The following NACC1 variants were observed in gnomAD, a reference collection of about 807,000 sequenced individuals.
NACC1 encodes the protein nucleus accumbens associated 1, also known as nucleus accumbens-associated protein 1.
Under a neutral mutation model 41.7 loss-of-function variants are expected in NACC1, and 6 were observed. The observed-to-expected ratio is 0.14, with a 90% CI of 0.08 to 0.28. NACC1 has a LOEUF of 0.28. NACC1 is among the 10% of genes least tolerant of loss of function. The pLI, the probability that NACC1 is intolerant of heterozygous loss-of-function variation, is 1.00. For synonymous variants in NACC1, 338 were observed against 330.6 expected (o/e 1.02, Z -0.24); for missense variants, 434 against 763.7 (o/e 0.57, Z 5.09).
chr19:13,128,886 TC>T (rs1469419519), intron 1 of NACC1, among the ~76,000 whole-genome samples: 3 of 152,328 alleles, frequency 2.0e-5, no homozygotes, highest in African/African-American at 7.2e-5. Context: ...CTAGGCACTG[TC>T]CTGGCCAGGA....
At chr19:13,133,030 T>C (rs1047367225) in intron 1 of NACC1, among the ~76,000 whole-genome samples, 1 of 152,172 alleles carries the variant, frequency 6.6e-6, no homozygotes, top group African/African-American at 2.4e-5. Flanking sequence ...GAGTGGCCAC[T>C]GTATTCTCAG....
chr19:13,123,312 G>C (rs899099662), intron 1 of NACC1, among the ~76,000 whole-genome samples: 2 of 152,192 alleles, frequency 1.3e-5, no homozygotes, highest in Non-Finnish European at 2.9e-5. Flanking sequence ...CTTATGGTTG[G>C]AGTTGGTGGG....
chr19:13,134,899 A>C (rs373173597), intron 1 of NACC1, among the ~76,000 whole-genome samples: 1 of 152,094 alleles, frequency 6.6e-6, no homozygotes, highest in East Asian at 1.9e-4. Context: ...ATATTCAGTT[A>C]CTCTTCAAGT....
chr19:13,130,815 C>T (rs1323923148), intron 1 of NACC1, among the ~76,000 whole-genome samples: 1 of 152,136 alleles, frequency 6.6e-6, no homozygotes, highest in Admixed American at 6.5e-5. Flanking sequence ...GGATTACAGG[C>T]GTGAGCCACC....
intron 1 of NACC1, chr19:13,131,650 C>T (rs1018434534): frequency 2.0e-5 from 3 of 152,184 alleles, no homozygotes; most frequent in African/African-American, 7.2e-5. Flanking sequence ...TCTGATTGCC[C>T]TAAGGAGGTT....
At chr19:13,132,210 G>A (rs888807236) in intron 1 of NACC1, 1 of 151,600 alleles carries the variant, frequency 6.6e-6, no homozygotes, top group Non-Finnish European at 1.5e-5. Context: ...GAGGTCAGTA[G>A]TTCAAGACCA....
intron 1 of NACC1, among the ~76,000 whole-genome samples, chr19:13,125,830 C>T (rs1599986331): frequency 6.6e-6 from 1 of 152,202 alleles, no homozygotes; most frequent in African/African-American, 2.4e-5. Flanking sequence ...ACTTCCACCT[C>T]CTAGGTTCAA....
Position 13,139,822 on chromosome 19 carries a change from G to GT in NACC1, c.*1424dup, listed in dbSNP as rs71168663. On this transcript the variant is annotated 3_prime_UTR_variant, in exon 6 of 6. Transcript: ENST00000292431. ...TGTTTTAGATTTTCATGTGAAGGCA[G>GT]TTTTTTTTCTTTTTTAACTCCCCAT... The GT allele has an allele frequency of 0.18, 27,947 of 151,900 alleles. 2,813 individuals carry two copies. The highest frequency in any genetic ancestry group is 0.19 in the Non-Finnish European group (12,756 of 67,936). 9.4% of individuals were successfully genotyped at this position (151,900 alleles called of 1,614,324 possible). A position where few individuals can be genotyped will look rare whatever the true frequency, so the allele number is the denominator to read the frequency against.
intron 1 of NACC1, among the ~76,000 whole-genome samples, chr19:13,127,693 GAAAA>G (rs71168659): frequency 2.0e-5 from 3 of 146,702 alleles, no homozygotes; most frequent in Non-Finnish European, 4.5e-5. Context: ...AAAAAAAAAA[GAAAA>G]AAAAAAATTA....
At position 13,131,117 on chromosome 19, in the gene NACC1, A is replaced by G. The variant is rs2019629431; in HGVS notation, c.-8-4083A>G. On this transcript the variant is annotated intron_variant, in intron 1 of 5. Coordinates refer to ENST00000292431, the MANE Select transcript of NACC1 (RefSeq NM_052876.4). ...ACATACCCACCCCAACTGTAATTAA[A>G]TCATCCCCGGTGTCTCCTCACTAGA... Among the ~76,000 whole-genome samples, 2 of 152,060 alleles carry G rather than the reference A, an allele frequency of 1.3e-5. 1 individual carries two copies. The highest frequency in any genetic ancestry group is 2.9e-5 in the Non-Finnish European group (2 of 68,012).
In NACC1 at chr19:13,138,098, G is replaced by T; in HGVS notation, c.1325-49G>T. The T allele has an allele frequency of 1.3e-6, 2 of 1,598,286 alleles. No individual in the cohort carries two copies. Among genetic ancestry groups the T allele is most frequent in the Non-Finnish European group, 1.7e-6 (2 of 1,170,192 alleles). ...AGGGGAGCTGGTGAGTAGGCCTTGTGGGAGTCACCTGGCCCCCGTGCCAAG... is the reference window on the plus strand; with the variant it reads ...AGGGGAGCTGGTGAGTAGGCCTTGTTGGAGTCACCTGGCCCCCGTGCCAAG... On this transcript the variant is annotated intron_variant, in intron 5 of 5. Coordinates refer to ENST00000292431, the MANE Select transcript of NACC1 (RefSeq NM_052876.4). The surrounding 1 kb of genome is among the most constrained non-coding windows in gnomAD (Gnocchi z 5.7).
intron 1 of NACC1, among the ~76,000 whole-genome samples, chr19:13,125,381 C>T (rs1020112139): frequency 1.3e-5 from 2 of 151,484 alleles, no homozygotes; most frequent in African/African-American, 4.9e-5. Context: ...GGACAGAGCC[C>T]TCCTGACTGA....
chr19:13,138,022 G>T lies in NACC1; in HGVS notation c.1325-125G>T. Reference sequence around the variant, plus strand: ...TTGGGTGCACGTAGTGTGGTGTCCTGGCCGCGTGGCCTCACTCGTTTCCCC... The same window carrying T: ...TTGGGTGCACGTAGTGTGGTGTCCTTGCCGCGTGGCCTCACTCGTTTCCCC... On this transcript the variant is annotated intron_variant, in intron 5 of 5. Transcript: ENST00000292431. The surrounding 1 kb of genome is among the most constrained non-coding windows in gnomAD (Gnocchi z 5.7). 7.1e-7 allele frequency: 1 copy of T among 1,406,336 alleles called. No homozygotes were observed. 87.1% of individuals were successfully genotyped at this position (1,406,336 alleles called of 1,614,324 possible).
intron 1 of NACC1, chr19:13,132,413 A>AC (rs2019644965): frequency 6.6e-6 from 1 of 151,616 alleles, no homozygotes; most frequent in South Asian, 2.1e-4. Flanking sequence ...TGTCTTAAAA[A>AC]AAAAAAAAAA....
At position 13,138,359 on chromosome 19, in the gene NACC1, G is replaced by A. The variant is rs201811994; in HGVS notation, c.1537G>A (p.Ala513Thr). Residue 513 changes from alanine (A) to threonine (T), a missense_variant, in exon 6 of 6, where the codon GCC becomes ACC. Ala to Thr is a moderately conservative substitution (Grantham distance 58). Around this residue, in one of 4 missense-constraint regions of NACC1, gnomAD observed 63 missense variants for 68.4 expected, o/e 0.92. Coordinates refer to ENST00000292431, the MANE Select transcript of NACC1 (RefSeq NM_052876.4). The surrounding 1 kb of genome is among the most constrained non-coding windows in gnomAD (Gnocchi z 5.7). Reference sequence around the variant, plus strand: ...GGGTGTGGAGCATGGCTTCGAGACCGCCAGCCACGAGGGCGAGGCGGGTCC... The same window carrying A: ...GGGTGTGGAGCATGGCTTCGAGACCACCAGCCACGAGGGCGAGGCGGGTCC... ...MMGVEHGFETASHEGEAGPSA... is the reference protein window; with the variant it reads ...MMGVEHGFETTSHEGEAGPSA... The A allele has an allele frequency of 1.9e-5, 31 of 1,613,148 alleles. No homozygotes were observed. The highest frequency in any genetic ancestry group is 1.6e-4 in the Middle Eastern group (1 of 6,080).
chr19:13,120,361 C>T (rs1339347700), intron 1 of NACC1, among the ~76,000 whole-genome samples: 3 of 152,198 alleles, frequency 2.0e-5, no homozygotes, highest in African/African-American at 7.2e-5. Flanking sequence ...GCTTTTGTTC[C>T]TTTCTGGGCT....
rs1452862402 is a variant in NACC1, at chr19:13,138,617, G to A, written c.*211G>A. 1.5e-6 allele frequency: 1 copy of A among 675,398 alleles called. No homozygotes were observed. The highest frequency in any genetic ancestry group is 2.5e-6 in the Non-Finnish European group (1 of 406,964). 41.8% of individuals were successfully genotyped at this position (675,398 alleles called of 1,614,324 possible). On this transcript the variant is annotated 3_prime_UTR_variant, in exon 6 of 6. Transcript: ENST00000292431. The surrounding 1 kb of genome is among the most constrained non-coding windows in gnomAD (Gnocchi z 5.7). ...GGGCAGGTGGCGTGAGGTCCGTGTTGCCTTCTTTAACACACACTCGTGCAG... is the reference window on the plus strand; with the variant it reads ...GGGCAGGTGGCGTGAGGTCCGTGTTACCTTCTTTAACACACACTCGTGCAG...
chr19:13,121,780 G>A (rs935904528), intron 1 of NACC1, among the ~76,000 whole-genome samples: 4 of 152,116 alleles, frequency 2.6e-5, no homozygotes, highest in Non-Finnish European at 4.4e-5. Context: ...CAGATCCTCC[G>A]TGCCCCTCGT....
intron 1 of NACC1, among the ~76,000 whole-genome samples, chr19:13,132,674 G>A (rs1052268622): frequency 2.0e-5 from 3 of 152,172 alleles, no homozygotes; most frequent in African/African-American, 7.2e-5. Context: ...GGCAGGGCCT[G>A]TGTCTTGCTT....
Sources: gnomAD v4.1 joint callset for allele counts (sites outside exome capture counted in the v4.1 genomes callset) on GRCh38, gnomAD v4.1.1 for gene constraint, gnomAD v4.1.1 regional missense constraint, Gnocchi (gnomAD v3.1) non-coding constraint, MANE v1.5 for transcripts, NCBI Gene and HGNC (gene_info 2026-07-23, HGNC 2026-07-21) for gene names.